RASA3: variants seen among roughly 807,000 people sequenced by gnomAD.
RASA3 encodes the protein RAS p21 protein activator 3.
RASA3 carries 73 observed loss-of-function variants against 110.0 expected under a neutral mutation model. The ratio of observed to expected loss-of-function variants is 0.66; its 90% CI spans 0.55 to 0.81. The LOEUF (loss-of-function observed/expected upper bound fraction) is 0.81. Among genes scored for constraint, RASA3 ranks in the 30% least tolerant of loss-of-function variants. The probability of loss-of-function intolerance (pLI) is 0.00; values close to 1 mark genes in which losing one functional copy is unlikely to be tolerated. For missense variants in RASA3, 976 were observed against 1,113.2 expected, an observed-to-expected ratio of 0.88 and a Z score of 1.75; for synonymous variants, 500 against 451.4, an observed-to-expected ratio of 1.11 and a Z score of -1.37.
chr13:114,117,790 CGTGTGTGAGGGGTGCAT>C (rs1408770752), intron 1 of RASA3, among the ~76,000 whole-genome samples: 4 of 120,370 alleles, frequency 3.3e-5, no homozygotes, highest in African/African-American at 6.6e-5. Flanking sequence ...GAGGAGAGCA[CGTGTGTGAGGGGTGCAT>C]GTGTGTGAGG....
intron 22 of RASA3, among the ~76,000 whole-genome samples, chr13:113,990,829 G>T (rs939292889): frequency 8.5e-5 from 13 of 152,368 alleles, no homozygotes; most frequent in Non-Finnish European, 1.2e-4. Context: ...GTACCTGTAT[G>T]TTCATTTCAC....
At chr13:114,070,853 C>T (rs113535406) in intron 2 of RASA3, among the ~76,000 whole-genome samples, 24 of 130,424 alleles carry the variant, frequency 1.8e-4, no homozygotes, top group Non-Finnish European at 3.2e-4. Context: ...CTAAACGGCG[C>T]CACAGTTTTA....
intron 21 of RASA3, among the ~76,000 whole-genome samples, chr13:113,993,822 A>AG (rs1566450436): frequency 9.6e-5 from 14 of 146,342 alleles, no homozygotes; most frequent in South Asian, 4.5e-4. Context: ...AAAAAAAAAA[A>AG]AAAAAAAAAG....
intron 2 of RASA3, among the ~76,000 whole-genome samples, chr13:114,072,731 C>G (rs2139666765): frequency 6.6e-6 from 1 of 152,296 alleles, no homozygotes; most frequent in East Asian, 1.9e-4. Context: ...CACCAGAGCC[C>G]CAGGGAGCAT....
chr13:113,991,015 T>A (rs9590416), intron 22 of RASA3, among the ~76,000 whole-genome samples: 41,065 of 70,084 alleles, frequency 0.59, 10,157 homozygotes, highest in African/African-American at 0.73. Flanking sequence ...GGGCTGGAGA[T>A]CAGGCGTGGC....
chr13:114,125,164 A>C (rs975274740), intron 1 of RASA3, among the ~76,000 whole-genome samples: 6 of 152,154 alleles, frequency 3.9e-5, no homozygotes, highest in Non-Finnish European at 5.9e-5. Flanking sequence ...CCTGGGCTTA[A>C]TATGTTCCTT....
intron 1 of RASA3, among the ~76,000 whole-genome samples, chr13:114,091,288 C>T (rs769936655): frequency 1.3e-5 from 2 of 151,824 alleles, no homozygotes; most frequent in African/African-American, 2.4e-5. Context: ...GGTGTGAGGT[C>T]GTGTCCCAGA....
intron 2 of RASA3, among the ~76,000 whole-genome samples, chr13:114,062,188 G>T (rs1439144001): frequency 2.7e-5 from 4 of 148,702 alleles, no homozygotes; most frequent in Non-Finnish European, 6.0e-5. Flanking sequence ...TTTCCTGTGG[G>T]TTTTTTTTTT....
chr13:114,076,545 CGCACACACACGCAGCACACGCAGGCA>C (rs2079686785), intron 1 of RASA3, among the ~76,000 whole-genome samples: 1 of 151,500 alleles, frequency 6.6e-6, no homozygotes, highest in Non-Finnish European at 1.5e-5. Flanking sequence ...CAGGCAGCAC[CGCACACACACGCAGCACACGCAGGCA>C]GCACACGCAC....
intron 1 of RASA3, among the ~76,000 whole-genome samples, chr13:114,094,166 G>A (rs1311775140): frequency 1.3e-5 from 2 of 152,128 alleles, no homozygotes; most frequent in Non-Finnish European, 1.5e-5. Flanking sequence ...ACTTTTGACT[G>A]TGCATAGGTA....
intron 18 of RASA3, 69 bp from the exon 19 acceptor site, chr13:114,001,001 C>G (rs964167296): frequency 3.0e-6 from 3 of 1,005,934 alleles, no homozygotes; most frequent in African/African-American, 3.2e-5. Flanking sequence ...AAAAACCACA[C>G]CCCCCACTTT....
intron 2 of RASA3, among the ~76,000 whole-genome samples, chr13:114,071,014 G>A (rs1384098976): frequency 6.6e-6 from 1 of 151,376 alleles, no homozygotes; most frequent in Non-Finnish European, 1.5e-5. Context: ...AGTGTTACAC[G>A]TGGGCAGGGC....
chr13:114,014,197 C>T lies in RASA3; in HGVS notation c.1406-949G>A, dbSNP rs911633241. On this transcript the variant is annotated intron_variant, in intron 14 of 23. Transcript: ENST00000334062. This position sits in a 1 kb window ranked among gnomAD's most constrained non-coding sequence, Gnocchi z 4.5. ...CTCCCTGTTTCTCTCCATCTCTCAT[C>T]ACCACCACACAGCGCAGCCCCTTTG... 1.2e-4 allele frequency among the ~76,000 whole-genome samples: 19 copies of T among 152,162 alleles called. No individual in the cohort carries two copies. Among genetic ancestry groups the T allele is most frequent in the Non-Finnish European group, 1.5e-4 (10 of 68,030 alleles).
chr13:114,035,381 C>T lies in RASA3; in HGVS notation c.373-5494G>A, dbSNP rs373065017. Among the ~76,000 whole-genome samples, 61 of 152,350 alleles carry T rather than the reference C, an allele frequency of 4.0e-4. No homozygotes were observed. In the East Asian group the frequency reaches 7.9e-3, roughly 20 times the overall value. ...ACTCACAGACGCAGCAAAGGGGCCC[C>T]AGCGTCCAGCTCCTGACAACGTGTG... On this transcript the variant is annotated intron_variant, in intron 4 of 23. Transcript: ENST00000334062.
chr13:114,130,347 G>A (rs1005016755), intron 1 of RASA3, among the ~76,000 whole-genome samples: 2 of 152,190 alleles, frequency 1.3e-5, no homozygotes, highest in African/African-American at 4.8e-5. Context: ...CTCTCTACCC[G>A]TCCTCACTGC....
At chr13:114,026,612 C>CA (rs1212643986) in intron 7 of RASA3, among the ~76,000 whole-genome samples, 1 of 152,222 alleles carries the variant, frequency 6.6e-6, no homozygotes, top group Admixed American at 6.5e-5. Context: ...CTGAGAGCTG[C>CA]ATGCATCGAG....
intron 2 of RASA3, among the ~76,000 whole-genome samples, chr13:114,072,634 T>G (rs1566551448): frequency 6.6e-6 from 1 of 152,202 alleles, no homozygotes; most frequent in Non-Finnish European, 1.5e-5. Flanking sequence ...GACCGCCGCC[T>G]ACATGCACTT....
At chr13:114,081,029 G>A (rs1191335037) in intron 1 of RASA3, among the ~76,000 whole-genome samples, 3 of 150,876 alleles carry the variant, frequency 2.0e-5, no homozygotes, top group African/African-American at 4.9e-5. Flanking sequence ...AGTGCCCCAC[G>A]GCAGAGGGCC....
At chr13:114,034,833 C>T (rs938769892) in intron 4 of RASA3, among the ~76,000 whole-genome samples, 8 of 152,208 alleles carry the variant, frequency 5.3e-5, no homozygotes, top group African/African-American at 1.4e-4. Flanking sequence ...GAGCCGTGCT[C>T]GGGGTGGAGG....
Sources: gnomAD v4.1 joint callset for allele counts (sites outside exome capture counted in the v4.1 genomes callset) on GRCh38, gnomAD v4.1.1 for gene constraint, Gnocchi (gnomAD v3.1) non-coding constraint, MANE v1.5 for transcripts, NCBI Gene and HGNC (gene_info 2026-07-23, HGNC 2026-07-21) for gene names.